The following C8orf88 variants were observed in gnomAD, a reference collection of about 807,000 sequenced individuals.
C8orf88 encodes chromosome 8 open reading frame 88, also known as uncharacterized protein C8orf88.
Under a neutral mutation model 18.4 loss-of-function variants are expected in C8orf88, and 14 were observed. The ratio of observed to expected loss-of-function variants is 0.76; its 90% confidence interval spans 0.50 to 1.19. The LOEUF is 1.19. C8orf88 is among the 50% of genes most tolerant of loss of function. C8orf88 has a pLI of 0.00. For synonymous variants in C8orf88, 45 were observed against 42.9 expected (o/e 1.05, Z -0.19); for missense variants, 116 against 134.7 (o/e 0.86, Z 0.69).
At chr8:90,975,828 T>C (rs1166736118) in intron 3 of C8orf88, among the ~76,000 whole-genome samples, 2 of 151,912 alleles carry the variant, frequency 1.3e-5, no homozygotes, top group Non-Finnish European at 2.9e-5. Context: ...TGATAGTCTA[T>C]AGTAGCATTA....
At chr8:90,959,739 G>A (rs889068009) in intron 5 of C8orf88, among the ~76,000 whole-genome samples, 2 of 151,250 alleles carry the variant, frequency 1.3e-5, no homozygotes, top group Non-Finnish European at 3.0e-5. Flanking sequence ...GGAGATAGAA[G>A]GTAGTAGTGT....
At chr8:90,977,760 G>T (rs1811372430) in intron 3 of C8orf88, among the ~76,000 whole-genome samples, 1 of 152,030 alleles carries the variant, frequency 6.6e-6, no homozygotes, top group Non-Finnish European at 1.5e-5. Flanking sequence ...TGGCCAATAT[G>T]GTGAAACCCC....
chr8:90,972,440 C>G (rs1563554048), intron 3 of C8orf88, among the ~76,000 whole-genome samples: 1 of 151,682 alleles, frequency 6.6e-6, no homozygotes, highest in Non-Finnish European at 1.5e-5. Flanking sequence ...AATTTCTTGC[C>G]TCCGGAAATT....
intron 3 of C8orf88, among the ~76,000 whole-genome samples, chr8:90,973,258 T>C (rs1811307865): frequency 1.3e-5 from 2 of 152,158 alleles, no homozygotes; most frequent in South Asian, 4.2e-4. Context: ...TCTTGAAGGA[T>C]CAGTAGGAGT....
Position 90,958,476 on chromosome 8 carries a change from AAT to A in C8orf88, c.*529_*530del, listed in dbSNP as rs1306527736. 1 of 151,626 alleles carries A rather than the reference AAT, an allele frequency of 6.6e-6. No homozygotes were observed. The highest frequency in any genetic ancestry group is 1.5e-5 in the Non-Finnish European group (1 of 67,690). 9.4% of individuals were successfully genotyped at this position (151,626 alleles called of 1,614,324 possible). On this transcript the variant is annotated 3_prime_UTR_variant, in exon 6 of 6. Coordinates refer to ENST00000517562, the MANE Select transcript of C8orf88 (RefSeq NM_001190972.2). ...TATCTGAAAAGAAATACCCATTAAA[AAT>A]TCTGCCTCCTGTTTATTGAGAACTA...
intron 1 of C8orf88, among the ~76,000 whole-genome samples, chr8:90,982,529 C>T (rs528147890): frequency 2.0e-5 from 3 of 152,194 alleles, no homozygotes; most frequent in African/African-American, 4.8e-5. Context: ...CTTTTCCAAT[C>T]GCTGAGCAAG....
chr8:90,971,992 T>C (rs1811290431), intron 3 of C8orf88, among the ~76,000 whole-genome samples: 1 of 152,078 alleles, frequency 6.6e-6, no homozygotes, highest in Non-Finnish European at 1.5e-5. Context: ...TATCTACCCC[T>C]GAGAGATTAT....
intron 5 of C8orf88, among the ~76,000 whole-genome samples, chr8:90,960,384 T>C (rs1272109658): frequency 1.3e-5 from 2 of 151,402 alleles, no homozygotes; most frequent in Non-Finnish European, 3.0e-5. Context: ...TTAAAATGAC[T>C]GGATATCTAT....
At chr8:90,976,078 T>G (rs1286308649) in intron 3 of C8orf88, among the ~76,000 whole-genome samples, 1 of 152,038 alleles carries the variant, frequency 6.6e-6, no homozygotes, top group Non-Finnish European at 1.5e-5. Flanking sequence ...TTATCTATCA[T>G]TAAAAGAAGC....
intron 1 of C8orf88, among the ~76,000 whole-genome samples, chr8:90,982,250 T>C (rs1277323518): frequency 4.6e-5 from 7 of 152,084 alleles, no homozygotes; most frequent in Non-Finnish European, 1.0e-4. Flanking sequence ...TAAGCACAAA[T>C]AGAAAAAATA....
At chr8:90,973,399 T>C (rs1391659534) in intron 3 of C8orf88, among the ~76,000 whole-genome samples, 1 of 152,168 alleles carries the variant, frequency 6.6e-6, no homozygotes, top group Non-Finnish European at 1.5e-5. Context: ...AGGATAAGCA[T>C]CAAGTTTCTT....
At chr8:90,982,699 G>A (rs1196310557) in intron 1 of C8orf88, among the ~76,000 whole-genome samples, 1 of 152,016 alleles carries the variant, frequency 6.6e-6, no homozygotes, top group Non-Finnish European at 1.5e-5. Flanking sequence ...ATGGCTCCCT[G>A]TATATAAATC....
At chr8:90,960,269 T>C (rs1254328960) in intron 5 of C8orf88, among the ~76,000 whole-genome samples, 3 of 151,612 alleles carry the variant, frequency 2.0e-5, no homozygotes, top group South Asian at 2.1e-4. Flanking sequence ...AGATGATTTG[T>C]TATAATGTAT....
At chr8:90,983,095 G>A (rs934556215) in intron 1 of C8orf88, among the ~76,000 whole-genome samples, 66 of 152,200 alleles carry the variant, frequency 4.3e-4, no homozygotes, top group African/African-American at 1.5e-3. Context: ...AGCTACTGGT[G>A]CTACCTAGAG....
At chr8:90,983,635 C>T (rs886101567) in intron 1 of C8orf88, among the ~76,000 whole-genome samples, 1 of 151,978 alleles carries the variant, frequency 6.6e-6, no homozygotes, top group Non-Finnish European at 1.5e-5. Context: ...TTTTTAAGGT[C>T]CTACTACATA....
chr8:90,963,095 A>C (rs1468540160), intron 4 of C8orf88, among the ~76,000 whole-genome samples: 1 of 151,636 alleles, frequency 6.6e-6, no homozygotes, highest in Non-Finnish European at 1.5e-5. Context: ...GGCAGAATTG[A>C]GGTAATACCT....
Position 90,963,202 on chromosome 8 carries a change from C to T in C8orf88, c.224-2354G>A, listed in dbSNP as rs796772842. Among the ~76,000 whole-genome samples, 3 of 151,744 alleles carry T rather than the reference C, an allele frequency of 2.0e-5. No homozygotes were observed. In the South Asian group the frequency reaches 6.2e-4, roughly 31 times the overall value. On this transcript the variant is annotated intron_variant, in intron 4 of 5. Transcript: ENST00000517562. ...GCCATTGAAGGCAATTATGTCAAAT[C>T]ACCAGCTGACCACTAAGATAACAGA...
intron 3 of C8orf88, among the ~76,000 whole-genome samples, chr8:90,975,218 G>A (rs1031245872): frequency 6.6e-6 from 1 of 152,058 alleles, no homozygotes; most frequent in Admixed American, 6.6e-5. Context: ...AAAAGACCTA[G>A]AATTGTAAAG....
At chr8:90,960,447 T>G (rs1811109233) in intron 5 of C8orf88, among the ~76,000 whole-genome samples, 1 of 151,378 alleles carries the variant, frequency 6.6e-6, no homozygotes, top group Admixed American at 6.6e-5. Flanking sequence ...TAAAATTAAT[T>G]CCAGGTGGAC....
Sources: allele counts gnomAD v4.1 joint callset (sites outside exome capture counted in the v4.1 genomes callset), GRCh38; gene constraint gnomAD v4.1.1; transcripts MANE v1.5; gene names NCBI Gene and HGNC (gene_info 2026-07-23, HGNC 2026-07-21).